Variants in CCDC7 observed in about 807,000 individuals in gnomAD.
CCDC7 encodes coiled-coil domain-containing protein 7.
CCDC7 carries 183 observed loss-of-function variants against 196.9 expected under a neutral mutation model. That is an observed-to-expected ratio of 0.93 (90% CI 0.82 to 1.05). The LOEUF is 1.05. Among genes scored for constraint, CCDC7 ranks in the 50% least tolerant of loss-of-function variants. The pLI is 0.00. For missense variants in CCDC7, 1,540 were observed against 1,482.2 expected, an observed-to-expected ratio of 1.04 and a Z score of -0.64; for synonymous variants, 525 against 484.6, an observed-to-expected ratio of 1.08 and a Z score of -1.10.
intron 29 of CCDC7, among the ~76,000 whole-genome samples, chr10:32,781,815 A>T (rs948356855): frequency 6.6e-6 from 1 of 152,244 alleles, no homozygotes; most frequent in South Asian, 2.1e-4. Context: ...CAGTTAGAAT[A>T]GAAGACAGGT....
In CCDC7 at chr10:32,522,769, TTTC is replaced by T. The variant is rs200645701; in HGVS notation, c.993+4270_993+4272del. 6.0e-3 allele frequency among the ~76,000 whole-genome samples: 909 copies of T among 152,234 alleles called. 9 individuals carry two copies. The highest frequency in any genetic ancestry group is 0.021 in the African/African-American group (860 of 41,560). On this transcript the variant is annotated intron_variant, in intron 11 of 41. Coordinates refer to ENST00000639629, the Ensembl canonical transcript of CCDC7. The stretch of plus-strand genomic sequence containing the variant: ...TTCATTAGGTTATTTATGTGAAATT[TTTC>T]TTCTTTTTTGATGCAGGCACTTGTA...
chr10:32,485,352 A>C (rs981106107), intron 8 of CCDC7, among the ~76,000 whole-genome samples: 49 of 152,282 alleles, frequency 3.2e-4, no homozygotes, highest in Middle Eastern at 3.4e-3. Flanking sequence ...CCCCTTTATC[A>C]TTTTTTATTG....
chr10:32,469,103 C>CT (rs1462952488), intron 5 of CCDC7, among the ~76,000 whole-genome samples: 2 of 152,242 alleles, frequency 1.3e-5, no homozygotes, highest in East Asian at 1.9e-4. Context: ...GTGCCTTTAT[C>CT]TTTTTTCCCA....
chr10:32,464,083 C>T (rs1258195740), intron 5 of CCDC7, among the ~76,000 whole-genome samples: 2 of 152,162 alleles, frequency 1.3e-5, no homozygotes, highest in Admixed American at 6.5e-5. Context: ...CTTTTGCACT[C>T]AGTCCTGTCA....
chr10:32,533,316 A>G (rs1389572985), intron 11 of CCDC7, among the ~76,000 whole-genome samples: 1 of 150,150 alleles, frequency 6.7e-6, no homozygotes, highest in Non-Finnish European at 1.5e-5. Context: ...ATTTTGACTA[A>G]GTTGTCTCAA....
chr10:32,487,658 G>T (rs998437954), intron 8 of CCDC7, among the ~76,000 whole-genome samples: 2 of 152,108 alleles, frequency 1.3e-5, no homozygotes, highest in Non-Finnish European at 2.9e-5. Flanking sequence ...TACAGATGGG[G>T]TTTTGGTGTG....
intron 13 of CCDC7, among the ~76,000 whole-genome samples, chr10:32,548,415 G>A (rs991639058): frequency 3.3e-5 from 5 of 152,102 alleles, no homozygotes; most frequent in South Asian, 2.1e-4. Flanking sequence ...GACTCAAGAC[G>A]TAGCAGGTGA....
chr10:32,649,794 G>T (rs943983802), intron 20 of CCDC7, among the ~76,000 whole-genome samples: 7 of 152,100 alleles, frequency 4.6e-5, no homozygotes, highest in African/African-American at 7.2e-5. Flanking sequence ...CCTCAACTTG[G>T]TCTATTCTGC....
At chr10:32,757,230 T>C (rs537117662) in intron 28 of CCDC7, among the ~76,000 whole-genome samples, 31 of 152,210 alleles carry the variant, frequency 2.0e-4, no homozygotes, top group Admixed American at 5.2e-4. Context: ...AGGAATTGAA[T>C]TCAGCTCTGC....
chr10:32,640,068 A>C (rs981344857), intron 20 of CCDC7, among the ~76,000 whole-genome samples: 1 of 152,212 alleles, frequency 6.6e-6, no homozygotes, highest in African/African-American at 2.4e-5. Context: ...TTCTTGGTGC[A>C]GAGCTGAGTT....
intron 39 of CCDC7, among the ~76,000 whole-genome samples, chr10:32,851,504 A>C (rs1461501824): frequency 1.3e-5 from 2 of 152,154 alleles, no homozygotes; most frequent in African/African-American, 4.8e-5. Flanking sequence ...TGTGCACTTG[A>C]GAAGAATGTG....
chr10:32,723,224 C>T (rs2082656025), intron 25 of CCDC7, among the ~76,000 whole-genome samples: 1 of 152,082 alleles, frequency 6.6e-6, no homozygotes, highest in Non-Finnish European at 1.5e-5. Flanking sequence ...CCAGATGGTC[C>T]TGGAGAGAGT....
chr10:32,455,587 G>C (rs1024668940), intron 2 of CCDC7, among the ~76,000 whole-genome samples: 1 of 152,138 alleles, frequency 6.6e-6, no homozygotes, highest in Non-Finnish European at 1.5e-5. Context: ...AAAGTGCTAG[G>C]ATTACAGGTG....
intron 16 of CCDC7, among the ~76,000 whole-genome samples, chr10:32,579,165 A>G (rs1394117339): frequency 1.3e-5 from 2 of 152,144 alleles, no homozygotes; most frequent in African/African-American, 4.8e-5. Flanking sequence ...CAGAGACTGG[A>G]GTAAGTAGAG....
rs776575133 is a variant in CCDC7 at position 32,596,405 on chromosome 10, CT to C, written c.1801+12109del. On this transcript the variant is annotated intron_variant, in intron 18 of 41. Coordinates refer to ENST00000639629, the Ensembl canonical transcript of CCDC7. ...TTGCTTGGTAGATCTTCCTCCATCC[CT>C]TTTTTTTGAGCCTATGTGTGTCTCT... Among the ~76,000 whole-genome samples the C allele has an allele frequency of 3.4e-4, 51 of 151,910 alleles. No homozygotes were observed. The East Asian group carries it at 9.1e-3, about 27-fold the overall frequency.
intron 7 of CCDC7, among the ~76,000 whole-genome samples, chr10:32,473,306 G>A (rs896556021): frequency 1.3e-5 from 2 of 152,062 alleles, no homozygotes; most frequent in African/African-American, 4.8e-5. Context: ...GGAAATATTT[G>A]GTATTTTAAG....
intron 33 of CCDC7, among the ~76,000 whole-genome samples, chr10:32,839,149 T>C (rs1173792521): frequency 3.3e-5 from 5 of 151,796 alleles, no homozygotes; most frequent in African/African-American, 9.7e-5. Flanking sequence ...AATACTAACA[T>C]TGAATGTAAA....
At chr10:32,649,013 A>G (rs1364640252) in intron 20 of CCDC7, among the ~76,000 whole-genome samples, 1 of 152,238 alleles carries the variant, frequency 6.6e-6, no homozygotes, top group Non-Finnish European at 1.5e-5. Context: ...TTGTAGGAAT[A>G]TGGTTGGAGT....
upstream of CCDC7, among the ~76,000 whole-genome samples, chr10:32,450,758 A>G (rs1189607171): frequency 2.0e-5 from 3 of 152,188 alleles, no homozygotes; most frequent in Admixed American, 2.0e-4. Context: ...GGGAATAAAG[A>G]TGTATATTAA....
Sources: allele counts gnomAD v4.1 joint callset (sites outside exome capture counted in the v4.1 genomes callset), GRCh38; gene constraint gnomAD v4.1.1; transcripts MANE v1.5; gene names NCBI Gene and HGNC (gene_info 2026-07-23, HGNC 2026-07-21).